Variants in ACAN observed in about 807,000 individuals in gnomAD.
The protein encoded by ACAN is aggrecan, also known as aggrecan core protein.
In ACAN, 47 loss-of-function variants were observed where a neutral mutation model predicts 169.1. That is an observed-to-expected ratio of 0.28 (90% CI 0.22 to 0.35). The LOEUF (loss-of-function observed/expected upper bound fraction) is 0.35. Among genes scored for constraint, ACAN ranks in the 10% least tolerant of loss-of-function variants. The probability of loss-of-function intolerance (pLI) is 1.00; values close to 1 mark genes in which losing one functional copy is unlikely to be tolerated. For synonymous variants in ACAN, 1,115 were observed against 1,112.2 expected (o/e 1.00, Z -0.05); for missense variants, 2,716 against 2,759.9 (o/e 0.98, Z 0.36).
chr15:88,817,301 C>T (rs1261985910), intron 1 of ACAN, among the ~76,000 whole-genome samples: 4 of 152,008 alleles, frequency 2.6e-5, no homozygotes, highest in African/African-American at 9.7e-5. Flanking sequence ...GCCACCACGC[C>T]CGACTAATTT....
chr15:88,832,303 TAAA>T (rs149428400), intron 1 of ACAN, among the ~76,000 whole-genome samples: 2 of 137,584 alleles, frequency 1.5e-5, no homozygotes, highest in Non-Finnish European at 3.2e-5. Flanking sequence ...GTAGATACCT[TAAA>T]AAAAAAAAAA....
At position 88,869,366 on chromosome 15, in the gene ACAN, G is replaced by C. The variant is rs181076581; in HGVS notation, c.7060+1037G>C. Among the ~76,000 whole-genome samples, 568 of 152,270 alleles carry C rather than the reference G, an allele frequency of 3.7e-3. No homozygotes were observed. The highest frequency in any genetic ancestry group is 6.2e-3 in the Non-Finnish European group (421 of 68,008). ...CTAAGCAGTGTGAGGAGGTAGTTTTGGGTTTCATATTCCTTTGAGGCACTG... is the reference window on the plus strand; with the variant it reads ...CTAAGCAGTGTGAGGAGGTAGTTTTCGGTTTCATATTCCTTTGAGGCACTG... On this transcript the variant is annotated intron_variant, in intron 14 of 18. Transcript: ENST00000560601. The surrounding 1 kb of genome is among the most constrained non-coding windows in gnomAD (Gnocchi z 4.2).
rs944391379 is a variant in ACAN at position 88,868,207 on chromosome 15, T to C, written c.6947-9T>C. 1.4e-6 allele frequency: 1 copy of C among 701,908 alleles called. No homozygotes were observed. The highest frequency in any genetic ancestry group is 1.7e-5 in the African/African-American group (1 of 57,222). The allele number at this position is 701,908 out of a possible 1,614,324, so 43.5% of individuals were successfully genotyped here. Reference sequence around the variant, plus strand: ...AGGAGTCCTAATGGTGGCCCTTGGTTTCTTGCAGACATTGATGAGTGCCTC... The same window carrying C: ...AGGAGTCCTAATGGTGGCCCTTGGTCTCTTGCAGACATTGATGAGTGCCTC... On this transcript the variant is annotated splice_polypyrimidine_tract_variant and intron_variant, in intron 13 of 18. Coordinates refer to ENST00000560601, the MANE Select transcript of ACAN (RefSeq NM_001369268.1). The surrounding 1 kb of genome is among the most constrained non-coding windows in gnomAD (Gnocchi z 5.2).
At chr15:88,821,262 C>G (rs1311223301) in intron 1 of ACAN, among the ~76,000 whole-genome samples, 1 of 152,124 alleles carries the variant, frequency 6.6e-6, no homozygotes, top group Non-Finnish European at 1.5e-5. Context: ...ACCTCAGCCT[C>G]CCGAGTAGCT....
In ACAN at chr15:88,857,987, G is replaced by A. The variant is rs748151960; in HGVS notation, c.5402G>A (p.Gly1801Glu). ...GVPDLSGQPS[G>E]LPGFSGATSG... ...CCTGATCTCAGTGGGCAGCCTTCAGGGTTACCAGGGTTCAGTGGGGCAACA... is the reference window on the plus strand; with the variant it reads ...CCTGATCTCAGTGGGCAGCCTTCAGAGTTACCAGGGTTCAGTGGGGCAACA... The change falls in exon 12 of 19, where the codon GGG (glycine) becomes GAG (glutamate). Residue 1801 changes from glycine (G) to glutamate (E), a missense_variant. Gly to Glu is a moderately conservative substitution (Grantham distance 98). Coordinates refer to ENST00000560601, the MANE Select transcript of ACAN (RefSeq NM_001369268.1). 3.7e-6 allele frequency: 6 copies of A among 1,613,780 alleles called. No homozygotes were observed. The African/African-American group carries it at 5.3e-5, about 14-fold the overall frequency.
chr15:88,823,088 C>A (rs1240852288), intron 1 of ACAN, among the ~76,000 whole-genome samples: 3 of 152,180 alleles, frequency 2.0e-5, no homozygotes, highest in African/African-American at 7.2e-5. Flanking sequence ...AACCTGGGCT[C>A]AATTTCCACA....
At chr15:88,845,320 C>T (rs1025371002) in intron 6 of ACAN, among the ~76,000 whole-genome samples, 185 bp from the exon 7 acceptor site, 1 of 152,190 alleles carries the variant, frequency 6.6e-6, no homozygotes, top group East Asian at 1.9e-4. Context: ...TGTGGGGACT[C>T]CTACAATGAA....
At position 88,845,567 on chromosome 15, in the gene ACAN, G is replaced by A. The variant is rs372762081; in HGVS notation, c.1114G>A (p.Val372Ile). 33 of 1,613,822 alleles carry A rather than the reference G, an allele frequency of 2.0e-5. No homozygotes were observed. The highest frequency in any genetic ancestry group is 3.3e-5 in the Admixed American group (2 of 60,014). Residue 372 changes from valine (V) to isoleucine (I), a missense_variant, in exon 7 of 19, where the codon GTC becomes ATC. Around this residue, in one of 3 missense-constraint regions of ACAN, gnomAD observed 1,283 missense variants for 1,281.5 expected, o/e 1.00. Transcript: ENST00000560601. ...FGVGGEEDIT[V>I]QTVTWPDMEL... ...AGTGGGGGGTGAGGAGGACATCACC[G>A]TCCAGACAGTGACCTGGCCTGACAT...
rs774704020 is a variant in ACAN, at chr15:88,857,565, C to T, written c.4980C>T (p.Ser1660=). ...TTCCATCTGGATTCCCAACTGTTTC[C>T]CTAGTGGATTCTACATTGGTGGAAG... ...SGLPSGFPTV[S]LVDSTLVEVV... The change falls in exon 12 of 19, where the codon TCC becomes TCT. Residue 1660 remains serine, a synonymous_variant. Coordinates refer to ENST00000560601, the MANE Select transcript of ACAN (RefSeq NM_001369268.1). The T allele has an allele frequency of 6.2e-7, 1 of 1,613,944 alleles. No individual in the cohort carries two copies. The highest frequency in any genetic ancestry group is 8.5e-7 in the Non-Finnish European group (1 of 1,179,890).
intron 1 of ACAN, among the ~76,000 whole-genome samples, chr15:88,831,225 C>T (rs904490528): frequency 6.6e-6 from 1 of 152,202 alleles, no homozygotes; most frequent in African/African-American, 2.4e-5. Flanking sequence ...CCTTGGAGCC[C>T]TGGGAAGGGG....
In ACAN at chr15:88,839,123, G is replaced by C. The variant is rs1186638810; in HGVS notation, c.454+77G>C. Reference sequence around the variant, plus strand: ...AGCAGTCTCCGCAGTGCAGGCGCAGGCAGGCTGGCCTTCAAACCAGCTCCT... The same window carrying C: ...AGCAGTCTCCGCAGTGCAGGCGCAGCCAGGCTGGCCTTCAAACCAGCTCCT... On this transcript the variant is annotated intron_variant, in intron 3 of 18. Transcript: ENST00000560601. This position sits in a 1 kb window ranked among gnomAD's most constrained non-coding sequence, Gnocchi z 4.5. 9.1e-6 allele frequency: 14 copies of C among 1,545,378 alleles called. No homozygotes were observed. Among genetic ancestry groups the C allele is most frequent in the Non-Finnish European group, 1.2e-5 (14 of 1,151,494 alleles).
Position 88,858,889 on chromosome 15 carries a change from G to A in ACAN, c.6304G>A (p.Glu2102Lys). 1 of 1,609,880 alleles carries A rather than the reference G, an allele frequency of 6.2e-7. No individual in the cohort carries two copies. Among genetic ancestry groups the A allele is most frequent in the South Asian group, 1.1e-5 (1 of 90,834 alleles). The stretch of plus-strand genomic sequence containing the variant: ...ATCATCAGTCCCAGAATCTAGCAGT[G>A]AGACGTCCGCCTATCCTGAAGCTGG... ...EVSSVPESSS[E>K]TSAYPEAGFG... The change falls in exon 12 of 19, where the codon GAG (glutamate) becomes AAG (lysine). Residue 2102 changes from glutamate to lysine, a missense_variant. Around this residue, in one of 3 missense-constraint regions of ACAN, gnomAD observed 1,389 missense variants for 1,363.7 expected, o/e 1.02. Transcript: ENST00000560601. The surrounding 1 kb of genome is among the most constrained non-coding windows in gnomAD (Gnocchi z 4.0).
chr15:88,837,984 A>T (rs1305411053), intron 2 of ACAN, among the ~76,000 whole-genome samples: 1 of 138,460 alleles, frequency 7.2e-6, no homozygotes, highest in East Asian at 2.1e-4. Context: ...AGCTTGTTGC[A>T]CCTCCTCTAT....
Position 88,870,501 on chromosome 15 carries a change from G to A in ACAN, c.7061-881G>A, listed in dbSNP as rs888089810. ...TTCCTGAGGTGTAAATGCTTCCACC[G>A]GGGCCAGTTTAAAGCTATCAACATG... On this transcript the variant is annotated intron_variant, in intron 14 of 18. Coordinates refer to ENST00000560601, the MANE Select transcript of ACAN (RefSeq NM_001369268.1). The surrounding 1 kb of genome is among the most constrained non-coding windows in gnomAD (Gnocchi z 6.3). Among the ~76,000 whole-genome samples, 7 of 152,268 alleles carry A rather than the reference G, an allele frequency of 4.6e-5. No homozygotes were observed. The South Asian group carries it at 6.2e-4, about 14-fold the overall frequency.
intron 11 of ACAN, among the ~76,000 whole-genome samples, chr15:88,853,845 C>CTT (rs56384350): frequency 0.021 from 2,999 of 143,700 alleles, 106 homozygotes; most frequent in African/African-American, 0.069. Context: ...GCCCAGCTAA[C>CTT]TTTTTTTTTT....
At chr15:88,842,041 C>T (rs962972028) in intron 5 of ACAN, among the ~76,000 whole-genome samples, 174 bp downstream of exon 5, 1 of 152,110 alleles carries the variant, frequency 6.6e-6, no homozygotes, top group South Asian at 2.1e-4. Flanking sequence ...CTGCACCCCT[C>T]GCACTCCACT....
intron 1 of ACAN, among the ~76,000 whole-genome samples, chr15:88,812,338 G>A (rs893269306): frequency 4.6e-5 from 7 of 151,826 alleles, no homozygotes; most frequent in African/African-American, 9.7e-5. Context: ...AGAATGACTC[G>A]CCCTTGGATG....
rs746931049 is a variant in ACAN at position 88,843,495 on chromosome 15, G to A, written c.898G>A (p.Gly300Ser). The change falls in exon 6 of 19, where the codon GGC (glycine) becomes AGC (serine). Residue 300 changes from glycine to serine, a missense_variant. By Grantham distance (56) the Gly-to-Ser change is moderately conservative. Around this residue, in one of 3 missense-constraint regions of ACAN, gnomAD observed 1,283 missense variants for 1,281.5 expected, o/e 1.00. Transcript: ENST00000560601. The surrounding 1 kb of genome is among the most constrained non-coding windows in gnomAD (Gnocchi z 4.0). Reference sequence around the variant, plus strand: ...GGCTGGCATGGACATGTGCAGCGCCGGCTGGCTGGCCGACCGCAGCGTGCG... The same window carrying A: ...GGCTGGCATGGACATGTGCAGCGCCAGCTGGCTGGCCGACCGCAGCGTGCG... The part of the protein sequence containing the change: ...WQAGMDMCSA[G>S]WLADRSVRYP... 109 of 1,612,030 alleles carry A rather than the reference G, an allele frequency of 6.8e-5. No individual in the cohort carries two copies. The highest frequency in any genetic ancestry group is 8.2e-5 in the Non-Finnish European group (97 of 1,179,470).
chr15:88,806,476 C>T (rs1895685897), intron 1 of ACAN, among the ~76,000 whole-genome samples: 2 of 151,954 alleles, frequency 1.3e-5, no homozygotes, highest in Admixed American at 1.3e-4. Flanking sequence ...CTCAGCCTCC[C>T]AAGTAGCTGG....
Sources: allele counts gnomAD v4.1 joint callset (sites outside exome capture counted in the v4.1 genomes callset), GRCh38; gene constraint gnomAD v4.1.1; regional missense constraint gnomAD v4.1.1; non-coding constraint Gnocchi (gnomAD v3.1); transcripts MANE v1.5; gene names NCBI Gene and HGNC (gene_info 2026-07-23, HGNC 2026-07-21).